Variants in B3GALNT1 observed in about 807,000 individuals in gnomAD.
B3GALNT1 encodes the protein UDP-GalNAc:beta-1,3-N-acetylgalactosaminyltransferase 1.
B3GALNT1 carries 17 observed loss-of-function variants against 27.3 expected under a neutral mutation model. The observed-to-expected ratio is 0.62, with a 90% CI of 0.43 to 0.94. B3GALNT1 has a LOEUF of 0.94. B3GALNT1 is among the 40% of genes least tolerant of loss of function. The pLI, the probability that B3GALNT1 is intolerant of heterozygous loss-of-function variation, is 0.00. For missense variants in B3GALNT1, 347 were observed against 390.0 expected (o/e 0.89, Z 0.93); for synonymous variants, 141 against 144.0 (o/e 0.98, Z 0.15).
intron 4 of B3GALNT1, among the ~76,000 whole-genome samples, chr3:161,092,888 T>G (rs1726049274): frequency 6.7e-6 from 1 of 149,956 alleles, no homozygotes; most frequent in South Asian, 2.1e-4. Flanking sequence ...GCCGCCTGAG[T>G]AGCTGGGACT....
At position 161,104,394 on chromosome 3, in the gene B3GALNT1, AAAC is replaced by A; in HGVS notation, c.-299_-297del. On this transcript the variant is annotated 5_prime_UTR_variant, in exon 2 of 5. Coordinates refer to ENST00000320474, the MANE Select transcript of B3GALNT1 (RefSeq NM_003781.4). ...TTTTCCCACAACGCAGCCACCTCCT[AAAC>A]GCAGGCAATCTGTGCAAAACGCAGA... 7.8e-7 allele frequency: 1 copy of A among 1,281,000 alleles called. No individual in the cohort carries two copies. The highest frequency in any genetic ancestry group is 1.0e-6 in the Non-Finnish European group (1 of 982,810). The allele number at this position is 1,281,000 out of a possible 1,614,324, so 79.4% of individuals were successfully genotyped here.
intron 4 of B3GALNT1, among the ~76,000 whole-genome samples, chr3:161,097,207 GGA>G (rs1168444980): frequency 6.6e-6 from 1 of 152,046 alleles, no homozygotes; most frequent in East Asian, 1.9e-4. Flanking sequence ...CTGTAAAATG[GGA>G]GCAATAATAC....
At chr3:161,090,968 A>G (rs893330001) in intron 4 of B3GALNT1, among the ~76,000 whole-genome samples, 5 of 152,210 alleles carry the variant, frequency 3.3e-5, no homozygotes, top group Non-Finnish European at 7.3e-5. Flanking sequence ...TCTTCTTTAT[A>G]GAAAAATGCC....
chr3:161,086,967 A>G (rs35527458), intron 4 of B3GALNT1, among the ~76,000 whole-genome samples, 179 bp from the exon 5 acceptor site: 204 of 152,278 alleles, frequency 1.3e-3, no homozygotes, highest in African/African-American at 4.7e-3. Flanking sequence ...ATAACCAAAA[A>G]TCTATTTTAG....
intron 4 of B3GALNT1, among the ~76,000 whole-genome samples, chr3:161,093,206 A>G (rs1266575211): frequency 6.6e-6 from 1 of 152,222 alleles, no homozygotes; most frequent in Non-Finnish European, 1.5e-5. Context: ...ACATAAAGAA[A>G]TGATAAATTT....
At chr3:161,086,886 A>G in intron 4 of B3GALNT1, 98 bp from the exon 5 acceptor site, 1 of 1,302,456 alleles carries the variant, frequency 7.7e-7, no homozygotes. Flanking sequence ...GTAGGAGAAC[A>G]GAATCTCCAG....
At position 161,101,737 on chromosome 3, in the gene B3GALNT1, T is replaced by C. The variant is rs116135633; in HGVS notation, c.-129-504A>G. On this transcript the variant is annotated intron_variant, in intron 3 of 4. Coordinates refer to ENST00000320474, the MANE Select transcript of B3GALNT1 (RefSeq NM_003781.4). Reference sequence around the variant, plus strand: ...ACTCTCAGAATGTGTTAGTGCCCAATAGAGGCATAAATTTAGAGCCTGTTA... The same window carrying C: ...ACTCTCAGAATGTGTTAGTGCCCAACAGAGGCATAAATTTAGAGCCTGTTA... 9.0e-3 allele frequency among the ~76,000 whole-genome samples: 1,375 copies of C among 152,288 alleles called. 28 individuals carry two copies. Among genetic ancestry groups the C allele is most frequent in the African/African-American group, 0.031 (1,308 of 41,556 alleles).
At position 161,084,693 on chromosome 3, in the gene B3GALNT1, A is replaced by G. The variant is rs1362228761; in HGVS notation, c.*1066T>C. On this transcript the variant is annotated 3_prime_UTR_variant, in exon 5 of 5. Coordinates refer to ENST00000320474, the MANE Select transcript of B3GALNT1 (RefSeq NM_003781.4). ...CTTTCATCTTGATGAGAAACTCATA[A>G]CAGCAGCAGCTCAAACTGATTGTTA... 6.6e-6 allele frequency: 1 copy of G among 152,228 alleles called. No homozygotes were observed. Among genetic ancestry groups the G allele is most frequent in the East Asian group, 1.9e-4 (1 of 5,202 alleles). The allele number at this position is 152,228 out of a possible 1,614,324, so 9.4% of individuals were successfully genotyped here.
At chr3:161,101,318 CAA>C (rs1731137691) in intron 3 of B3GALNT1, 85 bp from the exon 4 acceptor site, 1 of 818,708 alleles carries the variant, frequency 1.2e-6, no homozygotes, top group Non-Finnish European at 1.8e-6. Flanking sequence ...TGTTTTGTTA[CAA>C]AGAGCTTTAT....
At position 161,085,673 on chromosome 3, in the gene B3GALNT1, T is replaced by C. The variant is rs574876378; in HGVS notation, c.*86A>G. 17 of 1,460,956 alleles carry C rather than the reference T, an allele frequency of 1.2e-5. No individual in the cohort carries two copies. The highest frequency in any genetic ancestry group is 1.7e-5 in the Admixed American group (1 of 59,494). The allele number at this position is 1,460,956 out of a possible 1,614,324, so 90.5% of individuals were successfully genotyped here. On this transcript the variant is annotated 3_prime_UTR_variant, in exon 5 of 5. Coordinates refer to ENST00000320474, the MANE Select transcript of B3GALNT1 (RefSeq NM_003781.4). ...TTCAGTGTAAGCCAGCACACTGACC[T>C]CCCCATGAATTTTCCACAGTACCTA...
chr3:161,090,512 A>G (rs564007806), intron 4 of B3GALNT1, among the ~76,000 whole-genome samples: 1 of 152,268 alleles, frequency 6.6e-6, no homozygotes, highest in Non-Finnish European at 1.5e-5. Flanking sequence ...TTTAAAAACA[A>G]TAATACAGGC....
intron 4 of B3GALNT1, among the ~76,000 whole-genome samples, chr3:161,096,442 C>A (rs1202991462): frequency 6.6e-6 from 1 of 152,164 alleles, no homozygotes; most frequent in African/African-American, 2.4e-5. Context: ...AACATTCTAA[C>A]TTTTCTTCTA....
Position 161,086,744 on chromosome 3 carries a change from G to A in B3GALNT1, c.11C>T (p.Ala4Val), listed in dbSNP as rs1438756346. Residue 4 changes from alanine (A) to valine (V), a missense_variant, in exon 5 of 5, where the codon GCT (alanine) becomes GTT (valine). Transcript: ENST00000320474. The stretch of plus-strand genomic sequence containing the variant: ...CCTACTCGGAAGGACAGTCCAGAGA[G>A]CCGAGGCCATCCACAGCAGCTCAGA... MASALWTVLPSRMS... is the reference protein window; with the variant it reads MASVLWTVLPSRMS... 18 of 1,613,934 alleles carry A rather than the reference G, an allele frequency of 1.1e-5. No individual in the cohort carries two copies. Among genetic ancestry groups the A allele is most frequent in the Non-Finnish European group, 1.5e-5 (18 of 1,179,980 alleles).
At chr3:161,087,680 T>C (rs1398879039) in intron 4 of B3GALNT1, among the ~76,000 whole-genome samples, 5 of 152,158 alleles carry the variant, frequency 3.3e-5, no homozygotes, top group African/African-American at 1.2e-4. Context: ...AACATTCAGA[T>C]TGTGAAGTGA....
chr3:161,091,671 A>C (rs1407586224), intron 4 of B3GALNT1, among the ~76,000 whole-genome samples: 2 of 152,222 alleles, frequency 1.3e-5, no homozygotes, highest in African/African-American at 4.8e-5. Flanking sequence ...GGATGCTGAC[A>C]CTTCAGATAG....
At chr3:161,087,302 C>A (rs1722554559) in intron 4 of B3GALNT1, among the ~76,000 whole-genome samples, 1 of 152,094 alleles carries the variant, frequency 6.6e-6, no homozygotes, top group Non-Finnish European at 1.5e-5. Context: ...ATAAGAAAAA[C>A]CCTATAGTGA....
At chr3:161,102,598 CAA>C (rs1158405523) in intron 3 of B3GALNT1, among the ~76,000 whole-genome samples, 1 of 152,120 alleles carries the variant, frequency 6.6e-6, no homozygotes, top group African/African-American at 2.4e-5. Context: ...TCCATAGTCC[CAA>C]GAGAGATGTT....
In B3GALNT1 at chr3:161,086,414, G is replaced by A. The variant is rs532567192; in HGVS notation, c.341C>T (p.Thr114Ile). Residue 114 changes from threonine to isoleucine, a missense_variant, in exon 5 of 5, where the codon ACA becomes ATA. By Grantham distance (89) the Thr-to-Ile change is moderately conservative. Coordinates refer to ENST00000320474, the MANE Select transcript of B3GALNT1 (RefSeq NM_003781.4). Reference sequence around the variant, plus strand: ...AGCCTCTTGGCCTAATAAGAAAAATGTAAGAACCTCATATCCCCACCAAGA... The same window carrying A: ...AGCCTCTTGGCCTAATAAGAAAAATATAAGAACCTCATATCCCCACCAAGA... ...KKSWWGYEVLTFFLLGQEAEK... is the reference protein window; with the variant it reads ...KKSWWGYEVLIFFLLGQEAEK... The A allele has an allele frequency of 6.2e-7, 1 of 1,613,940 alleles. No homozygotes were observed. Among genetic ancestry groups the A allele is most frequent in the South Asian group, 1.1e-5 (1 of 91,080 alleles).
intron 2 of B3GALNT1, among the ~76,000 whole-genome samples, chr3:161,103,763 T>C (rs7650705): frequency 0.027 from 4,069 of 152,300 alleles, 205 homozygotes; most frequent in African/African-American, 0.094. Flanking sequence ...AGTCTCACTC[T>C]GTTGCCCAGG....
Sources: allele counts gnomAD v4.1 joint callset (sites outside exome capture counted in the v4.1 genomes callset), GRCh38; gene constraint gnomAD v4.1.1; transcripts MANE v1.5; gene names NCBI Gene and HGNC (gene_info 2026-07-23, HGNC 2026-07-21).